SYTL2: variants seen among roughly 807,000 people sequenced by gnomAD.
SYTL2 encodes synaptotagmin-like protein 2.
Under a neutral mutation model 198.7 loss-of-function variants are expected in SYTL2, and 165 were observed. The ratio of observed to expected loss-of-function variants is 0.83; its 90% CI spans 0.73 to 0.94. The LOEUF (loss-of-function observed/expected upper bound fraction) is 0.94, where lower values mean the gene tolerates loss of function less well. SYTL2 is among the 40% of genes least tolerant of loss of function. SYTL2 has a pLI of 0.00. For synonymous variants in SYTL2, 966 were observed against 917.7 expected, an observed-to-expected ratio of 1.05 and a Z score of -0.95; for missense variants, 2,835 against 2,582.8, an observed-to-expected ratio of 1.10 and a Z score of -2.12.
chr11:85,707,749 C>T (rs537430298), intron 14 of SYTL2, among the ~76,000 whole-genome samples: 12 of 151,898 alleles, frequency 7.9e-5, no homozygotes, highest in African/African-American at 1.2e-4. Context: ...AGATTTTTAA[C>T]GGGCATTTCC....
At chr11:85,813,021 T>A (rs2093055388), upstream of SYTL2, among the ~76,000 whole-genome samples, 1 of 152,198 alleles carries the variant, frequency 6.6e-6, no homozygotes, top group Non-Finnish European at 1.5e-5. Context: ...GCATAGGACT[T>A]TGAAGGAACT....
intron 7 of SYTL2, among the ~76,000 whole-genome samples, chr11:85,730,327 T>G (rs80239747): frequency 2.6e-5 from 4 of 152,102 alleles, no homozygotes; most frequent in African/African-American, 9.7e-5. Context: ...TGATGAACAT[T>G]GATACCAACA....
At chr11:85,800,981 C>G (rs1312200721) in intron 1 of SYTL2, among the ~76,000 whole-genome samples, 1 of 152,198 alleles carries the variant, frequency 6.6e-6, no homozygotes, top group Non-Finnish European at 1.5e-5. Context: ...ATAAAGCAGG[C>G]AACTATCCGG....
chr11:85,718,076 A>C (rs2087656869), intron 10 of SYTL2, among the ~76,000 whole-genome samples: 1 of 152,244 alleles, frequency 6.6e-6, no homozygotes, highest in Non-Finnish European at 1.5e-5. Context: ...TTATGATTAT[A>C]GTGAAGGCAA....
At chr11:85,736,405 TC>T in intron 6 of SYTL2, 95 bp downstream of exon 6, 1 of 658,918 alleles carries the variant, frequency 1.5e-6, no homozygotes, top group Non-Finnish European at 2.5e-6. Flanking sequence ...TTTCACTTTC[TC>T]TTGGAAGTTA....
the SYTL2 span, among the ~76,000 whole-genome samples, chr11:85,826,228 G>A: frequency 3.0e-4 from 45 of 152,340 alleles, 1 homozygote; most frequent in East Asian, 8.5e-3. Context: ...CACTGCTTAT[G>A]TCAGGATGCA....
chr11:85,844,812 A>T, the SYTL2 span, among the ~76,000 whole-genome samples: 23 of 152,076 alleles, frequency 1.5e-4, no homozygotes, highest in Admixed American at 1.5e-3. Context: ...CCTCCTCTAC[A>T]CTTGCCAGAG....
chr11:85,748,022 T>A (rs180698970), intron 3 of SYTL2, among the ~76,000 whole-genome samples: 92 of 152,272 alleles, frequency 6.0e-4, no homozygotes, highest in African/African-American at 2.2e-3. Context: ...GCCCCAACTA[T>A]CTATGCTACT....
chr11:85,804,197 G>A (rs2092927766), intron 1 of SYTL2, among the ~76,000 whole-genome samples: 1 of 152,046 alleles, frequency 6.6e-6, no homozygotes, highest in Admixed American at 6.6e-5. Flanking sequence ...TACTATCTCT[G>A]TGTAACAAAA....
chr11:85,752,649 T>C (rs752124581), intron 2 of SYTL2, among the ~76,000 whole-genome samples: 2 of 152,076 alleles, frequency 1.3e-5, no homozygotes, highest in Non-Finnish European at 2.9e-5. Flanking sequence ...TGCAGTCTGC[T>C]GAGAGGCAGC....
intron 2 of SYTL2, among the ~76,000 whole-genome samples, chr11:85,753,806 T>C (rs951682863): frequency 2.1e-5 from 3 of 144,872 alleles, no homozygotes; most frequent in Admixed American, 2.1e-4. Context: ...AAGTGACATA[T>C]AAACTAAATC....
At chr11:85,796,292 T>C (rs183039260) in intron 1 of SYTL2, among the ~76,000 whole-genome samples, 1 of 152,296 alleles carries the variant, frequency 6.6e-6, no homozygotes, top group African/African-American at 2.4e-5. Flanking sequence ...ATTAAAAGGA[T>C]GATTCACGTT....
At chr11:85,834,569 C>T in the SYTL2 span, among the ~76,000 whole-genome samples, 1 of 151,944 alleles carries the variant, frequency 6.6e-6, no homozygotes, top group Non-Finnish European at 1.5e-5. Flanking sequence ...AGCAATACAC[C>T]TTCGGTAGAA....
rs2083233345 is a variant in SYTL2 at position 85,695,124 on chromosome 11, C to G, written c.*71G>C. The stretch of plus-strand genomic sequence containing the variant: ...ATAGAAAGTGAGGATATTTGTCCAC[C>G]TACTCAGATTTTCAAGATCAGATTC... On this transcript the variant is annotated 3_prime_UTR_variant, in exon 20 of 20. Transcript: ENST00000359152. 1 of 1,486,516 alleles carries G rather than the reference C, an allele frequency of 6.7e-7. No homozygotes were observed. The highest frequency in any genetic ancestry group is 9.2e-7 in the Non-Finnish European group (1 of 1,091,408). 92.1% of individuals were successfully genotyped at this position (1,486,516 alleles called of 1,614,324 possible).
At chr11:85,827,459 C>T in the SYTL2 span, among the ~76,000 whole-genome samples, 2 of 152,138 alleles carry the variant, frequency 1.3e-5, no homozygotes, top group Admixed American at 6.5e-5. Flanking sequence ...TCACAATATG[C>T]CATTCATTCT....
chr11:85,798,909 A>C (rs2092843846), intron 1 of SYTL2, among the ~76,000 whole-genome samples: 1 of 152,252 alleles, frequency 6.6e-6, no homozygotes, highest in African/African-American at 2.4e-5. Context: ...CAGTTTAGGC[A>C]CAGTGAGCTA....
intron 1 of SYTL2, among the ~76,000 whole-genome samples, chr11:85,764,701 T>C (rs2092192556): frequency 6.6e-6 from 1 of 152,172 alleles, no homozygotes; most frequent in Non-Finnish European, 1.5e-5. Context: ...GGACAACTTG[T>C]TAGGAATTAG....
chr11:85,840,387 C>T, the SYTL2 span, among the ~76,000 whole-genome samples: 2 of 152,050 alleles, frequency 1.3e-5, no homozygotes, highest in African/African-American at 4.8e-5. Context: ...GGAGATTTTC[C>T]CCAATGTTTT....
At chr11:85,786,025 G>A (rs962971539) in intron 1 of SYTL2, among the ~76,000 whole-genome samples, 1 of 152,124 alleles carries the variant, frequency 6.6e-6, no homozygotes, top group African/African-American at 2.4e-5. Context: ...CAGGTGAATG[G>A]TTAAACAAAC....
Sources: allele counts gnomAD v4.1 joint callset (sites outside exome capture counted in the v4.1 genomes callset), GRCh38; gene constraint gnomAD v4.1.1; transcripts MANE v1.5; gene names NCBI Gene and HGNC (gene_info 2026-07-23, HGNC 2026-07-21).